EHF: variants seen among roughly 807,000 people sequenced by gnomAD.
EHF encodes the protein ESE3 transcription factor.
EHF carries 14 observed loss-of-function variants against 45.1 expected under a neutral mutation model. That is an observed-to-expected ratio of 0.31 (90% CI 0.21 to 0.49). EHF has a LOEUF of 0.49. Among genes scored for constraint, EHF ranks in the 20% least tolerant of loss-of-function variants. The probability of loss-of-function intolerance (pLI) is 0.99; values close to 1 mark genes in which losing one functional copy is unlikely to be tolerated. For synonymous variants in EHF, 136 were observed against 131.8 expected (o/e 1.03, Z -0.22); for missense variants, 282 against 371.4 (o/e 0.76, Z 1.98).
chr11:34,635,655 G>A (rs887008335), intron 1 of EHF, among the ~76,000 whole-genome samples: 4 of 148,488 alleles, frequency 2.7e-5, no homozygotes, highest in African/African-American at 7.5e-5. Flanking sequence ...ACCTTTAGCC[G>A]TTCTCTATCA....
intron 1 of EHF, among the ~76,000 whole-genome samples, chr11:34,627,811 T>C (rs1852506797): frequency 6.6e-6 from 1 of 152,224 alleles, no homozygotes; most frequent in Admixed American, 6.5e-5. Context: ...TCAATATGAA[T>C]GTAGGCAAAA....
At chr11:34,637,546 C>A (rs914526349) in intron 1 of EHF, among the ~76,000 whole-genome samples, 29 of 152,184 alleles carry the variant, frequency 1.9e-4, no homozygotes, top group African/African-American at 6.5e-4. Context: ...ATTGGCCAAG[C>A]CCCAGTGGCC....
intron 1 of EHF, among the ~76,000 whole-genome samples, chr11:34,638,069 T>C (rs1337819712): frequency 1.3e-5 from 2 of 151,956 alleles, no homozygotes; most frequent in South Asian, 2.1e-4. Context: ...ACCCAGCTAA[T>C]TTTTGTATTT....
rs1221061229 is a variant in EHF at position 34,660,986 on chromosome 11, C to T, written c.*2055C>T. ...GCAACCAAATCCATTTTTATTTCTG[C>T]CTGGCTTGGTCACTTCTGTAAAGGT... On this transcript the variant is annotated 3_prime_UTR_variant, in exon 9 of 9. Coordinates refer to ENST00000257831, the MANE Select transcript of EHF (RefSeq NM_012153.6). The T allele has an allele frequency of 6.6e-6, 1 of 152,064 alleles. No homozygotes were observed. The highest frequency in any genetic ancestry group is 1.9e-4 in the East Asian group (1 of 5,194). 9.4% of individuals were successfully genotyped at this position (152,064 alleles called of 1,614,324 possible).
Position 34,658,877 on chromosome 11 carries a change from A to G in EHF, c.849A>G (p.Arg283=). 1 of 1,613,474 alleles carries G rather than the reference A, an allele frequency of 6.2e-7. No individual in the cohort carries two copies. The highest frequency in any genetic ancestry group is 2.2e-5 in the East Asian group (1 of 44,842). Residue 283 remains arginine (R), a synonymous_variant, in exon 9 of 9, where the codon AGA becomes AGG. Coordinates refer to ENST00000257831, the MANE Select transcript of EHF (RefSeq NM_012153.6). The part of the protein sequence containing the change: ...REILERVDGR[R]LVYKFGKNAR... ...TTCTGGAGCGTGTGGATGGACGAAG[A>G]CTGGTATATAAATTTGGGAAGAATG...
In EHF at chr11:34,651,607, G is replaced by T. The variant is rs1451876864; in HGVS notation, c.472G>T (p.Val158Leu). ...ATATGACACCAACTATGGTAGCACA[G>T]TAGGTAACTAACTCCCTGACACTTA... ...YLYDTNYGST[V>L]DLLDSKTFCR... The change falls in exon 5 of 9, where the codon GTA (valine) becomes TTA (leucine). Residue 158 changes from valine (V) to leucine (L), a missense_variant. By Grantham distance (32) the Val-to-Leu change is conservative. Transcript: ENST00000257831. The T allele has an allele frequency of 6.2e-7, 1 of 1,613,586 alleles. No homozygotes were observed. Among genetic ancestry groups the T allele is most frequent in the African/African-American group, 1.3e-5 (1 of 74,928 alleles).
At chr11:34,657,890 G>A (rs1346405706) in intron 7 of EHF, among the ~76,000 whole-genome samples, 6 of 148,176 alleles carry the variant, frequency 4.0e-5, no homozygotes, top group East Asian at 2.1e-4. Context: ...GCAACCCCTC[G>A]AAAGGTGGGT....
chr11:34,658,260 G>C (rs1385999181), intron 7 of EHF, among the ~76,000 whole-genome samples: 1 of 152,114 alleles, frequency 6.6e-6, no homozygotes, highest in Non-Finnish European at 1.5e-5. Flanking sequence ...CTTAGTCTTG[G>C]CTATGTCACT....
chr11:34,622,314 G>T (rs992144639), intron 1 of EHF: 4 of 738,244 alleles, frequency 5.4e-6, no homozygotes, highest in Non-Finnish European at 7.9e-6. Flanking sequence ...TGTCTCTGCT[G>T]GTTATCTGCA....
At position 34,651,721 on chromosome 11, in the gene EHF, C is replaced by G; in HGVS notation, c.476-16C>G. The stretch of plus-strand genomic sequence containing the variant: ...AGGGGGTGCTCTAAATGTCCTTTAT[C>G]TTTTCATGGCCACAGATTTGTTGGA... On this transcript the variant is annotated splice_polypyrimidine_tract_variant and intron_variant, in intron 5 of 8. Transcript: ENST00000257831. 1 of 1,613,878 alleles carries G rather than the reference C, an allele frequency of 6.2e-7. No individual in the cohort carries two copies. The highest frequency in any genetic ancestry group is 8.5e-7 in the Non-Finnish European group (1 of 1,179,838).
chr11:34,649,807 C>T (rs570027130), intron 4 of EHF, among the ~76,000 whole-genome samples: 31 of 152,316 alleles, frequency 2.0e-4, no homozygotes, highest in African/African-American at 7.2e-4. Flanking sequence ...AGCCTGGGAG[C>T]CACGTGGGCC....
intron 1 of EHF, among the ~76,000 whole-genome samples, chr11:34,622,789 G>A (rs1281772331): frequency 6.6e-6 from 1 of 152,320 alleles, no homozygotes; most frequent in East Asian, 1.9e-4. Context: ...TGAATTGGGA[G>A]TCATTTGGAG....
chr11:34,639,020 A>G (rs964402081), intron 1 of EHF, among the ~76,000 whole-genome samples: 1 of 152,212 alleles, frequency 6.6e-6, no homozygotes, highest in African/African-American at 2.4e-5. Flanking sequence ...TAGACCCATT[A>G]TAATTATTTA....
rs1856116652 is a variant in EHF at position 34,662,037 on chromosome 11, T to C, written c.*3106T>C. On this transcript the variant is annotated 3_prime_UTR_variant, in exon 9 of 9. Coordinates refer to ENST00000257831, the MANE Select transcript of EHF (RefSeq NM_012153.6). The stretch of plus-strand genomic sequence containing the variant: ...GAGAAGGGAGACCCAGGTTGTGAGT[T>C]TTCCTTTGAACACATTGGTCTTTTC... Among the ~76,000 whole-genome samples, 1 of 152,110 alleles carries C rather than the reference T, an allele frequency of 6.6e-6. No individual in the cohort carries two copies. Among genetic ancestry groups the C allele is most frequent in the Non-Finnish European group, 1.5e-5 (1 of 67,990 alleles).
At chr11:34,630,919 C>T (rs756766355) in intron 1 of EHF, among the ~76,000 whole-genome samples, 5 of 152,112 alleles carry the variant, frequency 3.3e-5, no homozygotes, top group Non-Finnish European at 7.4e-5. Context: ...TAGTAATGAA[C>T]CCCCAACGGC....
At chr11:34,644,676 C>T (rs1262863130) in intron 2 of EHF, among the ~76,000 whole-genome samples, 2 of 152,022 alleles carry the variant, frequency 1.3e-5, no homozygotes, top group Non-Finnish European at 2.9e-5. Flanking sequence ...GGGATTGGGT[C>T]AGAAACATTT....
Position 34,651,751 on chromosome 11 carries a change from A to C in EHF, c.490A>C (p.Lys164Gln), listed in dbSNP as rs1855195161. 1.2e-6 allele frequency: 2 copies of C among 1,613,976 alleles called. No individual in the cohort carries two copies. Among genetic ancestry groups the C allele is most frequent in the East Asian group, 4.5e-5 (2 of 44,896 alleles). The change falls in exon 6 of 9, where the codon AAA becomes CAA. Residue 164 changes from lysine to glutamine, a missense_variant. By Grantham distance (53) the Lys-to-Gln change is moderately conservative. Around this residue, in one of 3 missense-constraint regions of EHF, gnomAD observed 213 missense variants for 247.3 expected, o/e 0.86. Coordinates refer to ENST00000257831, the MANE Select transcript of EHF (RefSeq NM_012153.6). ...YGSTVDLLDS[K>Q]TFCRAQISMT... The stretch of plus-strand genomic sequence containing the variant: ...CATGGCCACAGATTTGTTGGACAGC[A>C]AAACTTTCTGCCGGGCTCAGATCTC...
In EHF at chr11:34,656,972, T is replaced by C. The variant is rs1455904300; in HGVS notation, c.607+2T>C. 6.2e-7 allele frequency: 1 copy of C among 1,613,336 alleles called. No homozygotes were observed. Among genetic ancestry groups the C allele is most frequent in the Non-Finnish European group, 8.5e-7 (1 of 1,179,698 alleles). The stretch of plus-strand genomic sequence containing the variant: ...CCAAGTGCCACACCAAAAAGCACAG[T>C]AAGTTGGCTGGCTTTCAGATGGCCT... On this transcript the variant is annotated splice_donor_variant, in intron 7 of 8. Coordinates refer to ENST00000257831, the MANE Select transcript of EHF (RefSeq NM_012153.6). LOFTEE classifies it high-confidence loss of function.
At chr11:34,636,246 A>G (rs945070574) in intron 1 of EHF, among the ~76,000 whole-genome samples, 12 of 152,220 alleles carry the variant, frequency 7.9e-5, no homozygotes, top group African/African-American at 2.2e-4. Context: ...TCTTTCGACA[A>G]CACTTTTCAT....
Sources: gnomAD v4.1 joint callset for allele counts (sites outside exome capture counted in the v4.1 genomes callset) on GRCh38, gnomAD v4.1.1 for gene constraint, gnomAD v4.1.1 regional missense constraint, MANE v1.5 for transcripts, NCBI Gene and HGNC (gene_info 2026-07-23, HGNC 2026-07-21) for gene names.